The following GATA3 variants were observed in gnomAD, a reference collection of about 807,000 sequenced individuals.
GATA3 encodes trans-acting T-cell-specific transcription factor GATA-3.
Under a neutral mutation model 36.0 loss-of-function variants are expected in GATA3, and 6 were observed. The ratio of observed to expected loss-of-function variants is 0.17; its 90% CI spans 0.09 to 0.33. GATA3 has a LOEUF of 0.33. Among genes scored for constraint, GATA3 ranks in the 10% least tolerant of loss-of-function variants. The pLI is 1.00. For missense variants in GATA3, 514 were observed against 610.1 expected (o/e 0.84, Z 1.66); for synonymous variants, 326 against 273.0 (o/e 1.19, Z -1.92).
At chr10:8,058,222 A>T (rs979890549) in intron 2 of GATA3, 83 bp from the exon 3 acceptor site, 2 of 1,468,042 alleles carry the variant, frequency 1.4e-6, no homozygotes, top group African/African-American at 2.8e-5. Flanking sequence ...TGCGAGGTAG[A>T]GATTCCCCAG....
rs755756354 is a variant in GATA3, at chr10:8,055,881, C to T, written c.226C>T (p.Pro76Ser). 5 of 1,562,826 alleles carry T rather than the reference C, an allele frequency of 3.2e-6. No individual in the cohort carries two copies. Among genetic ancestry groups the T allele is most frequent in the Non-Finnish European group, 4.3e-6 (5 of 1,153,576 alleles). The change falls in exon 2 of 6, where the codon CCT becomes TCT. Residue 76 changes from proline (P) to serine (S), a missense_variant. Physicochemically the swap from Pro to Ser is moderately conservative, Grantham distance 74. This residue lies in a region of GATA3 where 381 missense variants were observed against 354.3 expected (regional missense o/e 1.08). Transcript: ENST00000379328. This position sits in a 1 kb window ranked among gnomAD's most constrained non-coding sequence, Gnocchi z 5.4. ...GGTCAGGGCCACGGTGCAGAGGTAC[C>T]CTCCGACCCACCACGGTGAGTGCGC... ...NSVRATVQRYPPTHHGSQVCR... is the reference protein window; with the variant it reads ...NSVRATVQRYSPTHHGSQVCR...
intron 5 of GATA3, among the ~76,000 whole-genome samples, chr10:8,070,769 C>A (rs1402686111): frequency 1.3e-5 from 2 of 152,148 alleles, no homozygotes; most frequent in African/African-American, 4.8e-5. Context: ...TTCCGAGGAG[C>A]CCTGTACGCT....
chr10:8,051,347 A>C, upstream of GATA3: 10 of 222,342 alleles, frequency 4.5e-5, no homozygotes, highest in Non-Finnish European at 6.0e-5. Flanking sequence ...GCTGCTGCCG[A>C]CCCGCACGCC....
At chr10:8,053,786 G>A (rs1832561668), upstream of GATA3, 1 of 152,286 alleles carries the variant, frequency 6.6e-6, no homozygotes, top group Admixed American at 6.5e-5. The surrounding 1 kb of genome is among the most constrained non-coding windows in gnomAD (Gnocchi z 5.1). Flanking sequence ...GGAGTAAGTA[G>A]GGCTCCGGGC....
upstream of GATA3, chr10:8,052,342 C>T (rs1016711508): frequency 6.6e-6 from 1 of 152,254 alleles, no homozygotes; most frequent in Non-Finnish European, 1.5e-5. Context: ...ACGAATAATC[C>T]CTACTTCCCC....
upstream of GATA3, among the ~76,000 whole-genome samples, chr10:8,051,825 G>T (rs1156705292): frequency 6.6e-6 from 1 of 151,862 alleles, no homozygotes; most frequent in Non-Finnish European, 1.5e-5. Flanking sequence ...GGTCAGGCCG[G>T]CGCCTGGCCT....
At chr10:8,062,621 C>T (rs1832768755) in intron 3 of GATA3, among the ~76,000 whole-genome samples, 1 of 152,180 alleles carries the variant, frequency 6.6e-6, no homozygotes, top group Admixed American at 6.5e-5. Context: ...AATTCTCAAG[C>T]ACCCTACTGG....
At chr10:8,046,409 T>A (rs1247831584) in intron 1 of GATA3, among the ~76,000 whole-genome samples, 1 of 152,136 alleles carries the variant, frequency 6.6e-6, no homozygotes, top group Non-Finnish European at 1.5e-5. Context: ...GTTCCCATAT[T>A]TCCTGGTCCT....
chr10:8,067,782 C>T (rs1378969017), intron 4 of GATA3, among the ~76,000 whole-genome samples: 7 of 152,220 alleles, frequency 4.6e-5, no homozygotes, highest in Non-Finnish European at 7.3e-5. Flanking sequence ...CGCGCCACTG[C>T]ACTCCAGCCT....
At chr10:8,051,070 C>G, upstream of GATA3, 2 of 529,016 alleles carry the variant, frequency 3.8e-6, no homozygotes, top group Non-Finnish European at 7.7e-6. Context: ...GCCGCGCCTC[C>G]GCTCTGCGCC....
chr10:8,054,590 C>A (rs1832585367), upstream of GATA3: 1 of 152,112 alleles, frequency 6.6e-6, no homozygotes, highest in South Asian at 2.1e-4. This position sits in a 1 kb window ranked among gnomAD's most constrained non-coding sequence, Gnocchi z 4.2. Context: ...TTCCTTGTGC[C>A]GGGGATCCTG....
In GATA3 at chr10:8,055,148, G is replaced by A; in HGVS notation, c.-369-139G>A. 4.5e-6 allele frequency: 1 copy of A among 223,854 alleles called. No individual in the cohort carries two copies. Among genetic ancestry groups the A allele is most frequent in the Non-Finnish European group, 8.8e-6 (1 of 113,714 alleles). The allele number at this position is 223,854 out of a possible 1,614,324, so 13.9% of individuals were successfully genotyped here. On this transcript the variant is annotated intron_variant, in intron 1 of 5. Transcript: ENST00000379328. The surrounding 1 kb of genome is among the most constrained non-coding windows in gnomAD (Gnocchi z 5.4). ...CCGGGCTGCAGGGACGTCCCCGAGAGCCCTGCGGGCTCCGCGGCCGTGTCC... is the reference window on the plus strand; with the variant it reads ...CCGGGCTGCAGGGACGTCCCCGAGAACCCTGCGGGCTCCGCGGCCGTGTCC...
In GATA3 at chr10:8,055,486, C is replaced by T. The variant is rs1832612890; in HGVS notation, c.-170C>T. The T allele has an allele frequency of 5.6e-6, 4 of 717,598 alleles. No homozygotes were observed. The highest frequency in any genetic ancestry group is 1.8e-5 in the African/African-American group (1 of 56,212). 44.5% of individuals were successfully genotyped at this position (717,598 alleles called of 1,614,324 possible). ...CAAGATAATTTTTAAAAAACCTTCT[C>T]CTTTGCTCACCTTTGCTTCCCAGCC... On this transcript the variant is annotated 5_prime_UTR_variant, in exon 2 of 6. Coordinates refer to ENST00000379328, the MANE Select transcript of GATA3 (RefSeq NM_001002295.2). The surrounding 1 kb of genome is among the most constrained non-coding windows in gnomAD (Gnocchi z 5.4).
chr10:8,051,952 C>T (rs909468600), upstream of GATA3, among the ~76,000 whole-genome samples: 1 of 152,196 alleles, frequency 6.6e-6, no homozygotes, highest in Non-Finnish European at 1.5e-5. Flanking sequence ...GGCCCTCCCT[C>T]CTCGGCATCC....
chr10:8,061,666 A>T (rs577274515), intron 3 of GATA3, among the ~76,000 whole-genome samples: 1 of 152,344 alleles, frequency 6.6e-6, no homozygotes, highest in South Asian at 2.1e-4. Flanking sequence ...GTGAATCAAG[A>T]CAGAAAATTA....
Position 8,064,078 on chromosome 10 carries a change from C to T in GATA3, c.864C>T (p.Cys288=), listed in dbSNP as rs746122348. Residue 288 remains cysteine (C), a synonymous_variant, in exon 4 of 6, where the codon TGC becomes TGT. Coordinates refer to ENST00000379328, the MANE Select transcript of GATA3 (RefSeq NM_001002295.2). ...DGTGHYLCNA[C]GLYHKMNGQN... ...CGGGACACTACCTGTGCAACGCCTG[C>T]GGGCTCTATCACAAAATGAACGGAC... is the stretch of plus-strand genomic sequence containing the variant. 18 of 1,614,108 alleles carry T rather than the reference C, an allele frequency of 1.1e-5. No homozygotes were observed. Among genetic ancestry groups the T allele is most frequent in the Non-Finnish European group, 1.1e-5 (13 of 1,180,018 alleles).
At position 8,055,941 on chromosome 10, in the gene GATA3, C is replaced by T. The variant is rs1383958971; in HGVS notation, c.241+45C>T. 6.5e-7 allele frequency: 1 copy of T among 1,549,438 alleles called. No individual in the cohort carries two copies. Among genetic ancestry groups the T allele is most frequent in the Middle Eastern group, 1.7e-4 (1 of 5,944 alleles). On this transcript the variant is annotated intron_variant, in intron 2 of 5. Transcript: ENST00000379328. This position sits in a 1 kb window ranked among gnomAD's most constrained non-coding sequence, Gnocchi z 5.4. ...CGGGGCTCCCGCCGGCCGCTTCAGC[C>T]GTCCCGGCTCGGGGAGGTCGGGAGG... is the stretch of plus-strand genomic sequence containing the variant.
At chr10:8,046,942 G>T (rs1302335479) in intron 1 of GATA3, among the ~76,000 whole-genome samples, 9 of 152,062 alleles carry the variant, frequency 5.9e-5, no homozygotes, top group African/African-American at 2.2e-4. Flanking sequence ...AATGCGGAGC[G>T]GCTGCAATCC....
rs543137882 is a variant in GATA3 at position 8,055,178 on chromosome 10, G to C, written c.-369-109G>C. 5 of 233,516 alleles carry C rather than the reference G, an allele frequency of 2.1e-5. No individual in the cohort carries two copies. The Middle Eastern group carries it at 5.7e-3, about 267-fold the overall frequency. 14.5% of individuals were successfully genotyped at this position (233,516 alleles called of 1,614,324 possible). ...GCGGGCTCCGCGGCCGTGTCCCCGC[G>C]CTCCCGTGCGGGTCTCGGGTGCGCT... On this transcript the variant is annotated intron_variant, in intron 1 of 5. Coordinates refer to ENST00000379328, the MANE Select transcript of GATA3 (RefSeq NM_001002295.2). The surrounding 1 kb of genome is among the most constrained non-coding windows in gnomAD (Gnocchi z 5.4).
Sources: gnomAD v4.1 joint callset for allele counts (sites outside exome capture counted in the v4.1 genomes callset) on GRCh38, gnomAD v4.1.1 for gene constraint, gnomAD v4.1.1 regional missense constraint, Gnocchi (gnomAD v3.1) non-coding constraint, MANE v1.5 for transcripts, NCBI Gene and HGNC (gene_info 2026-07-23, HGNC 2026-07-21) for gene names.